USPL1: variants seen among roughly 807,000 people sequenced by gnomAD.
The protein encoded by USPL1 is SUMO-specific isopeptidase USPL1.
USPL1 carries 27 observed loss-of-function variants against 51.5 expected under a neutral mutation model. The observed-to-expected ratio is 0.52, with a 90% CI of 0.39 to 0.72. The LOEUF is 0.72. Ranked by LOEUF, USPL1 falls within the 30% of genes least tolerant of loss-of-function variation. The pLI is 0.00. For synonymous variants in USPL1, 451 were observed against 459.6 expected (o/e 0.98, Z 0.24); for missense variants, 1,226 against 1,268.0 (o/e 0.97, Z 0.50).
intron 4 of USPL1, among the ~76,000 whole-genome samples, chr13:30,633,316 C>CT (rs1159639219): frequency 6.6e-6 from 1 of 152,056 alleles, no homozygotes; most frequent in Non-Finnish European, 1.5e-5. Flanking sequence ...TAGGAAAAAG[C>CT]ATAATATATA....
chr13:30,633,981 T>C (rs1368031626), intron 4 of USPL1, among the ~76,000 whole-genome samples: 2 of 152,158 alleles, frequency 1.3e-5, no homozygotes, highest in Non-Finnish European at 2.9e-5. Context: ...TTTTTCTTTC[T>C]TCGCAGTTTC....
chr13:30,619,559 A>AC (rs1445174978), intron 1 of USPL1, among the ~76,000 whole-genome samples: 2 of 152,252 alleles, frequency 1.3e-5, no homozygotes, highest in Non-Finnish European at 2.9e-5. Flanking sequence ...AGAGTACCGC[A>AC]GAATGATACG....
At chr13:30,621,332 C>G in intron 2 of USPL1, 93 bp downstream of exon 2, 2 of 926,628 alleles carry the variant, frequency 2.2e-6, no homozygotes, top group Non-Finnish European at 3.3e-6. Flanking sequence ...CAGTTAACTT[C>G]TAAAAAATTG....
rs537632142 is a variant in USPL1, at chr13:30,654,938, A to G, written c.1396+1633A>G. 4.6e-5 allele frequency among the ~76,000 whole-genome samples: 7 copies of G among 151,704 alleles called. No individual in the cohort carries two copies. The East Asian group carries it at 1.4e-3, about 29-fold the overall frequency. On this transcript the variant is annotated intron_variant, in intron 8 of 8. Transcript: ENST00000255304. The stretch of plus-strand genomic sequence containing the variant: ...TTACTTTTTTTATATCAGATCATAT[A>G]TATATGTTTTTTTTTTTGAGATGGA...
chr13:30,658,074 T>G lies in USPL1; in HGVS notation c.1997T>G (p.Val666Gly), dbSNP rs1191547032. ...GTTGTAAATACAAACATGCAGTCAG[T>G]ACAGCTGAATACAGAAGATACTGTA... ...SQVVNTNMQSVQLNTEDTVNT... is the reference protein window; with the variant it reads ...SQVVNTNMQSGQLNTEDTVNT... The change falls in exon 9 of 9, where the codon GTA (valine) becomes GGA (glycine). Residue 666 changes from valine (V) to glycine (G), a missense_variant. Coordinates refer to ENST00000255304, the MANE Select transcript of USPL1 (RefSeq NM_005800.5). 6.2e-7 allele frequency: 1 copy of G among 1,613,392 alleles called. No individual in the cohort carries two copies. The highest frequency in any genetic ancestry group is 8.5e-7 in the Non-Finnish European group (1 of 1,179,974).
rs150658333 is a variant in USPL1 at position 30,622,113 on chromosome 13, G to A, written c.228+221G>A. Among the ~76,000 whole-genome samples the A allele has an allele frequency of 5.0e-3, 766 of 152,050 alleles. 9 individuals carry two copies. The highest frequency in any genetic ancestry group is 0.017 in the African/African-American group (719 of 41,502). ...TTTATTGCCATTTGATTTGCGAGAG[G>A]AGAAAATACATTTCAAGGTTTTTTT... On this transcript the variant is annotated intron_variant, in intron 3 of 8. Transcript: ENST00000255304.
Position 30,658,611 on chromosome 13 carries a change from A to G in USPL1, c.2534A>G (p.His845Arg). 1 of 1,614,220 alleles carries G rather than the reference A, an allele frequency of 6.2e-7. No individual in the cohort carries two copies. Among genetic ancestry groups the G allele is most frequent in the Non-Finnish European group, 8.5e-7 (1 of 1,180,042 alleles). The change falls in exon 9 of 9, where the codon CAT becomes CGT. Residue 845 changes from histidine to arginine, a missense_variant. By Grantham distance (29) the His-to-Arg change is conservative. Coordinates refer to ENST00000255304, the MANE Select transcript of USPL1 (RefSeq NM_005800.5). ...SNGTAAHPHAHAASEVLEKSG... is the reference protein window; with the variant it reads ...SNGTAAHPHARAASEVLEKSG... ...GGCACAGCTGCCCACCCACATGCTC[A>G]TGCTGCTTCAGAAGTTTTGGAAAAG...
At chr13:30,636,918 A>G (rs1950884008) in intron 4 of USPL1, among the ~76,000 whole-genome samples, 1 of 152,150 alleles carries the variant, frequency 6.6e-6, no homozygotes, top group Non-Finnish European at 1.5e-5. Flanking sequence ...ACTGTATAAT[A>G]ACTAGCCAGA....
chr13:30,631,985 C>CT (rs1290626475), intron 4 of USPL1, among the ~76,000 whole-genome samples: 2 of 149,646 alleles, frequency 1.3e-5, no homozygotes, highest in Admixed American at 1.3e-4. Flanking sequence ...TTTTTTTATA[C>CT]TTTAAGTTCT....
chr13:30,621,961 T>G, intron 3 of USPL1, 69 bp downstream of exon 3: 1 of 1,151,732 alleles, frequency 8.7e-7, no homozygotes, highest in Non-Finnish European at 1.1e-6. Context: ...ATTAATTGTT[T>G]TAAAAGTTTA....
intron 5 of USPL1, among the ~76,000 whole-genome samples, chr13:30,640,194 A>AC (rs755112118): frequency 6.6e-5 from 10 of 152,146 alleles, no homozygotes; most frequent in Non-Finnish European, 1.2e-4. Flanking sequence ...TGTATTTTAG[A>AC]CCTGAAGATT....
chr13:30,626,088 G>A (rs1310584690), intron 3 of USPL1, among the ~76,000 whole-genome samples: 1 of 152,194 alleles, frequency 6.6e-6, no homozygotes, highest in African/African-American at 2.4e-5. Flanking sequence ...GCCAAGGTGG[G>A]TGGATTCTCT....
chr13:30,650,598 A>G (rs1238340240), intron 7 of USPL1, among the ~76,000 whole-genome samples: 1 of 151,846 alleles, frequency 6.6e-6, no homozygotes, highest in Non-Finnish European at 1.5e-5. Flanking sequence ...AAAAGAAAGA[A>G]ATGCTGCTTA....
intron 6 of USPL1, among the ~76,000 whole-genome samples, 186 bp downstream of exon 6, chr13:30,642,943 G>A (rs995124453): frequency 1.3e-5 from 2 of 152,156 alleles, no homozygotes; most frequent in Admixed American, 6.5e-5. Flanking sequence ...AAATAGGGAC[G>A]ATGAGAGGAA....
intron 4 of USPL1, among the ~76,000 whole-genome samples, chr13:30,633,445 A>G (rs1309722963): frequency 1.3e-5 from 2 of 152,242 alleles, no homozygotes; most frequent in Non-Finnish European, 2.9e-5. Context: ...TTCCCTATAC[A>G]TACATAATTA....
At chr13:30,642,156 A>G (rs1411686812) in intron 5 of USPL1, among the ~76,000 whole-genome samples, 2 of 152,140 alleles carry the variant, frequency 1.3e-5, no homozygotes, top group African/African-American at 4.8e-5. Context: ...AACTGGTTTT[A>G]GGTTCCTAGA....
intron 8 of USPL1, among the ~76,000 whole-genome samples, chr13:30,657,199 T>A (rs922389774): frequency 9.2e-5 from 14 of 152,356 alleles, no homozygotes; most frequent in African/African-American, 2.9e-4. Flanking sequence ...GGTAACAAGC[T>A]TCATTTATCA....
rs552549897 is a variant in USPL1 at position 30,659,736 on chromosome 13, G to A, written c.*380G>A. 1 of 167,690 alleles carries A rather than the reference G, an allele frequency of 6.0e-6. No individual in the cohort carries two copies. The highest frequency in any genetic ancestry group is 1.3e-5 in the Non-Finnish European group (1 of 78,632). 10.4% of individuals were successfully genotyped at this position (167,690 alleles called of 1,614,324 possible). A position where few individuals can be genotyped will look rare whatever the true frequency, so the allele number is the denominator to read the frequency against. ...GGTTTTCTTCCCCTGGAAACCTGTT[G>A]CTCGTGGCGCTTTGCCCACGGTGCC... On this transcript the variant is annotated 3_prime_UTR_variant, in exon 9 of 9. Coordinates refer to ENST00000255304, the MANE Select transcript of USPL1 (RefSeq NM_005800.5).
intron 7 of USPL1, among the ~76,000 whole-genome samples, chr13:30,652,269 T>TA (rs892808571): frequency 6.6e-6 from 1 of 152,240 alleles, no homozygotes; most frequent in African/African-American, 2.4e-5. Context: ...TTTGAGGACT[T>TA]AATTATTCTC....
Sources: allele counts gnomAD v4.1 joint callset (sites outside exome capture counted in the v4.1 genomes callset), GRCh38; gene constraint gnomAD v4.1.1; transcripts MANE v1.5; gene names NCBI Gene and HGNC (gene_info 2026-07-23, HGNC 2026-07-21).